MMRN1: variants seen among roughly 807,000 people sequenced by gnomAD.
MMRN1 encodes the protein multimerin 1.
Under a neutral mutation model 100.7 loss-of-function variants are expected in MMRN1, and 94 were observed. That is an observed-to-expected ratio of 0.93 (90% CI 0.79 to 1.11). The LOEUF (loss-of-function observed/expected upper bound fraction) is 1.11, where lower values mean the gene tolerates loss of function less well. Among genes scored for constraint, MMRN1 ranks in the 50% least tolerant of loss-of-function variants. The probability of loss-of-function intolerance (pLI) is 0.00; values close to 1 mark genes in which losing one functional copy is unlikely to be tolerated. For missense variants in MMRN1, 1,606 were observed against 1,439.1 expected, an observed-to-expected ratio of 1.12 and a Z score of -1.88; for synonymous variants, 575 against 505.0, an observed-to-expected ratio of 1.14 and a Z score of -1.86.
chr4:89,894,456 A>G (rs1355406609), upstream of MMRN1, among the ~76,000 whole-genome samples: 1 of 152,200 alleles, frequency 6.6e-6, no homozygotes, highest in Non-Finnish European at 1.5e-5. Flanking sequence ...GTGGATATAC[A>G]CTTGAACAAA....
At chr4:89,887,438 C>T (rs1720962696) in intron 1 of MMRN1, among the ~76,000 whole-genome samples, 1 of 151,956 alleles carries the variant, frequency 6.6e-6, no homozygotes, top group Non-Finnish European at 1.5e-5. Flanking sequence ...ATGGTGCTGG[C>T]ATGAAAGCAG....
intron 6 of MMRN1, among the ~76,000 whole-genome samples, chr4:89,938,245 A>G (rs1722708881): frequency 6.6e-6 from 1 of 151,534 alleles, no homozygotes. Flanking sequence ...AATAGAACTA[A>G]TTTTACTTCT....
intron 5 of MMRN1, among the ~76,000 whole-genome samples, chr4:89,932,090 G>C (rs1373582949): frequency 6.6e-6 from 1 of 152,128 alleles, no homozygotes; most frequent in Non-Finnish European, 1.5e-5. Flanking sequence ...TATAATGCAG[G>C]CACAGGAATT....
rs770241833 is a variant in MMRN1, at chr4:89,909,296, A to C, written c.644A>C (p.His215Pro). Residue 215 changes from histidine to proline, a missense_variant, in exon 2 of 8, where the codon CAT becomes CCT. Coordinates refer to ENST00000264790, the MANE Select transcript of MMRN1 (RefSeq NM_007351.3). ...TTTAGGAATTGGTGTGCTTATGTAC[A>C]TACCAGGTTATCTCCCACAGTGATA... The part of the protein sequence containing the change: ...TRGKNWCAYV[H>P]TRLSPTVILD... The C allele has an allele frequency of 6.2e-7, 1 of 1,609,680 alleles. No homozygotes were observed.
chr4:89,894,019 C>T (rs1721114550), upstream of MMRN1, among the ~76,000 whole-genome samples: 2 of 152,046 alleles, frequency 1.3e-5, no homozygotes, highest in South Asian at 4.1e-4. Flanking sequence ...ATAATTTTGT[C>T]CTACAGTAAA....
chr4:89,898,801 C>T (rs1232753692), intron 1 of MMRN1, among the ~76,000 whole-genome samples: 2 of 152,044 alleles, frequency 1.3e-5, no homozygotes, highest in African/African-American at 4.8e-5. Flanking sequence ...AGTTAGGTGG[C>T]CTTTCTAATC....
Position 89,895,094 on chromosome 4 carries a change from T to C in MMRN1, c.123T>C (p.Ser41=). 1 of 1,613,938 alleles carries C rather than the reference T, an allele frequency of 6.2e-7. No individual in the cohort carries two copies. The highest frequency in any genetic ancestry group is 1.1e-5 in the South Asian group (1 of 91,086). The change falls in exon 1 of 8, where the codon TCT becomes TCC. Residue 41 remains serine (S), a synonymous_variant. Coordinates refer to ENST00000264790, the MANE Select transcript of MMRN1 (RefSeq NM_007351.3). ...GGAACTCTCAGAAGACTATGCCTTCTGCTTCAGTTCCTCCAAATAAAATAC... is the reference window on the plus strand; with the variant it reads ...GGAACTCTCAGAAGACTATGCCTTCCGCTTCAGTTCCTCCAAATAAAATAC... ...EDGNSQKTMP[S]ASVPPNKIQS...
chr4:89,885,981 A>G (rs1275629696), intron 1 of MMRN1, among the ~76,000 whole-genome samples: 3 of 151,634 alleles, frequency 2.0e-5, no homozygotes, highest in Non-Finnish European at 4.4e-5. Flanking sequence ...GCATACCTCA[A>G]TAATATCATC....
Position 89,895,378 on chromosome 4 carries a change from A to C in MMRN1, c.407A>C (p.Asn136Thr), listed in dbSNP as rs577895255. Reference protein sequence around the residue: ...NPGAESVVLSNSTLKFLQSFA... With the variant: ...NPGAESVVLSTSTLKFLQSFA... ...GGAGCAGAATCAGTGGTCCTTTCCAATTCTACACTGAAATTTCTTCAGAGC... is the reference window on the plus strand; with the variant it reads ...GGAGCAGAATCAGTGGTCCTTTCCACTTCTACACTGAAATTTCTTCAGAGC... The change falls in exon 1 of 8, where the codon AAT becomes ACT. Residue 136 changes from asparagine to threonine, a missense_variant. By Grantham distance (65) the Asn-to-Thr change is moderately conservative. Coordinates refer to ENST00000264790, the MANE Select transcript of MMRN1 (RefSeq NM_007351.3). 1 of 1,613,962 alleles carries C rather than the reference A, an allele frequency of 6.2e-7. No individual in the cohort carries two copies. Among genetic ancestry groups the C allele is most frequent in the South Asian group, 1.1e-5 (1 of 91,070 alleles).
chr4:89,935,151 G>A lies in MMRN1; in HGVS notation c.1471G>A (p.Ala491Thr). 6.2e-7 allele frequency: 1 copy of A among 1,613,482 alleles called. No individual in the cohort carries two copies. The highest frequency in any genetic ancestry group is 8.5e-7 in the Non-Finnish European group (1 of 1,179,706). Residue 491 changes from alanine (A) to threonine (T), a missense_variant, in exon 6 of 8, where the codon GCT becomes ACT. By Grantham distance (58) the Ala-to-Thr change is moderately conservative (BLOSUM62 0). Coordinates refer to ENST00000264790, the MANE Select transcript of MMRN1 (RefSeq NM_007351.3). ...AGTAAAGCAGACTCATTTAGAAGGT[G>A]CTCTAGAACAGGAACACTCAAGAAG... ...LEVKQTHLEGALEQEHSRSIL... is the reference protein window; with the variant it reads ...LEVKQTHLEGTLEQEHSRSIL...
intron 3 of MMRN1, among the ~76,000 whole-genome samples, chr4:89,915,275 G>C (rs1721875644): frequency 6.6e-6 from 1 of 151,472 alleles, no homozygotes; most frequent in African/African-American, 2.4e-5. Context: ...TCCTCTAAGA[G>C]TCTTTCACAA....
chr4:89,949,444 G>T (rs1276352144), intron 6 of MMRN1, among the ~76,000 whole-genome samples: 3 of 152,138 alleles, frequency 2.0e-5, no homozygotes, highest in African/African-American at 7.2e-5. Flanking sequence ...AAAAATAAAT[G>T]AAGCAAATGC....
intron 5 of MMRN1, among the ~76,000 whole-genome samples, chr4:89,929,412 C>T (rs573134157): frequency 6.6e-6 from 1 of 152,194 alleles, no homozygotes; most frequent in African/African-American, 2.4e-5. Flanking sequence ...AAGAAAGACC[C>T]TGTCCTACAT....
chr4:89,911,089 C>T (rs1055256947), intron 2 of MMRN1, among the ~76,000 whole-genome samples: 1 of 151,328 alleles, frequency 6.6e-6, no homozygotes, highest in Admixed American at 6.6e-5. Context: ...AATAATAATG[C>T]CTTCATCATA....
chr4:89,896,311 A>C (rs1483090082), intron 1 of MMRN1, among the ~76,000 whole-genome samples: 2 of 152,214 alleles, frequency 1.3e-5, no homozygotes, highest in Non-Finnish European at 2.9e-5. Context: ...TGCCATCATG[A>C]ATATGATGAA....
rs1722269342 is a variant in MMRN1 at position 89,926,539 on chromosome 4, G to C, written c.956-1256G>C. Among the ~76,000 whole-genome samples, 3 of 152,240 alleles carry C rather than the reference G, an allele frequency of 2.0e-5. No individual in the cohort carries two copies. In the South Asian group the frequency reaches 6.2e-4, roughly 32 times the overall value. The stretch of plus-strand genomic sequence containing the variant: ...TATTTTGATTATTAGTCCCTTGTCA[G>C]ATGGGTGGTTTGCAAAGATTTTTCT... On this transcript the variant is annotated intron_variant, in intron 4 of 7. Coordinates refer to ENST00000264790, the MANE Select transcript of MMRN1 (RefSeq NM_007351.3).
intron 1 of MMRN1, among the ~76,000 whole-genome samples, chr4:89,906,640 C>A (rs951715035): frequency 6.6e-6 from 1 of 151,468 alleles, no homozygotes; most frequent in Admixed American, 6.6e-5. Context: ...TTTTGCCATG[C>A]TTCATTTTCT....
At chr4:89,923,692 A>G (rs1722160079) in intron 4 of MMRN1, among the ~76,000 whole-genome samples, 1 of 152,214 alleles carries the variant, frequency 6.6e-6, no homozygotes, top group Non-Finnish European at 1.5e-5. Context: ...ACTGATCCCT[A>G]AGAAATGGGA....
At chr4:89,882,834 A>G (rs1055484629) in intron 1 of MMRN1, among the ~76,000 whole-genome samples, 1 of 151,868 alleles carries the variant, frequency 6.6e-6, no homozygotes, top group African/African-American at 2.4e-5. Flanking sequence ...ATTGCATTCT[A>G]CTCAGAATCT....
Sources: gnomAD v4.1 joint callset for allele counts (sites outside exome capture counted in the v4.1 genomes callset) on GRCh38, gnomAD v4.1.1 for gene constraint, MANE v1.5 for transcripts, NCBI Gene and HGNC (gene_info 2026-07-23, HGNC 2026-07-21) for gene names.